KIAA1217: variants seen among roughly 807,000 people sequenced by gnomAD.
KIAA1217 encodes KIAA1217, also known as sickle tail protein homolog.
KIAA1217 carries 88 observed loss-of-function variants against 163.9 expected under a neutral mutation model. The ratio of observed to expected loss-of-function variants is 0.54; its 90% CI spans 0.45 to 0.64. The LOEUF (loss-of-function observed/expected upper bound fraction) is 0.64, where lower values mean the gene tolerates loss of function less well. Among genes scored for constraint, KIAA1217 ranks in the 30% least tolerant of loss-of-function variants. KIAA1217 has a pLI of 0.00. For missense variants in KIAA1217, 2,372 were observed against 2,475.0 expected (o/e 0.96, Z 0.88); for synonymous variants, 903 against 923.1 (o/e 0.98, Z 0.39).
At chr10:24,402,992 G>A (rs2056763921) in intron 3 of KIAA1217, among the ~76,000 whole-genome samples, 1 of 152,046 alleles carries the variant, frequency 6.6e-6, no homozygotes, top group Admixed American at 6.5e-5. Flanking sequence ...TTAGCATATG[G>A]TACTGAAGAA....
intron 1 of KIAA1217, among the ~76,000 whole-genome samples, chr10:23,790,491 A>G: frequency 9.1e-6 from 1 of 109,360 alleles, no homozygotes; most frequent in African/African-American, 4.5e-5. Flanking sequence ...ATATATACAT[A>G]TATACATGTG....
At chr10:24,315,613 G>A (rs2043247942) in intron 2 of KIAA1217, among the ~76,000 whole-genome samples, 3 of 152,076 alleles carry the variant, frequency 2.0e-5, no homozygotes, top group African/African-American at 4.8e-5. Context: ...AGGAGTGGTG[G>A]CCCACACCTG....
At chr10:24,376,306 T>C (rs2052480217) in intron 2 of KIAA1217, among the ~76,000 whole-genome samples, 3 of 152,212 alleles carry the variant, frequency 2.0e-5, no homozygotes, top group Non-Finnish European at 4.4e-5. Context: ...TTATATGATG[T>C]GTACTTAGAG....
chr10:24,147,854 A>AAAAG (rs2064402931), intron 2 of KIAA1217, among the ~76,000 whole-genome samples: 1 of 149,568 alleles, frequency 6.7e-6, no homozygotes, highest in Non-Finnish European at 1.5e-5. Context: ...AAAAAAAAAA[A>AAAAG]AAAAAAAAGA....
At chr10:24,080,820 GT>G (rs1482515722) in intron 2 of KIAA1217, among the ~76,000 whole-genome samples, 1 of 151,978 alleles carries the variant, frequency 6.6e-6, no homozygotes, top group Non-Finnish European at 1.5e-5. Context: ...TTTAGTAAGT[GT>G]TTTTTCAGAT....
intron 3 of KIAA1217, among the ~76,000 whole-genome samples, chr10:24,425,575 A>G (rs1156461366): frequency 6.6e-6 from 1 of 152,216 alleles, no homozygotes; most frequent in Non-Finnish European, 1.5e-5. Context: ...ATATTCTCTT[A>G]CAATTGCTTT....
chr10:24,071,637 G>T (rs975326803), intron 2 of KIAA1217, among the ~76,000 whole-genome samples: 12 of 152,164 alleles, frequency 7.9e-5, no homozygotes, highest in Non-Finnish European at 2.9e-5. Flanking sequence ...TGAGTGAACG[G>T]TTAAGTCCAG....
intron 2 of KIAA1217, among the ~76,000 whole-genome samples, chr10:24,365,003 C>T (rs1336022044): frequency 6.6e-6 from 1 of 151,986 alleles, no homozygotes; most frequent in Non-Finnish European, 1.5e-5. Flanking sequence ...GGGAGTCTCC[C>T]TATGTTGGCC....
rs576229036 is a variant in KIAA1217 at position 23,750,006 on chromosome 10, C to T, written c.-321+54772C>T. ...TCTTCTTCTCTTCTCCTTTCCATTCCTTTCTTTTCTTTTCTTTTTTTGACC... is the reference window on the plus strand; with the variant it reads ...TCTTCTTCTCTTCTCCTTTCCATTCTTTTCTTTTCTTTTCTTTTTTTGACC... On this transcript the variant is annotated intron_variant, in intron 1 of 18. Coordinates refer to the KIAA1217 transcript ENST00000376462. 2.0e-5 allele frequency among the ~76,000 whole-genome samples: 3 copies of T among 151,938 alleles called. No individual in the cohort carries two copies. The East Asian group carries it at 5.8e-4, about 30-fold the overall frequency.
chr10:24,266,300 A>G (rs1040039367), intron 2 of KIAA1217, among the ~76,000 whole-genome samples: 1 of 152,284 alleles, frequency 6.6e-6, no homozygotes, highest in South Asian at 2.1e-4. Flanking sequence ...GCTGGTCTCC[A>G]GCTCCTGACC....
chr10:23,978,622 G>A (rs1373789376), intron 1 of KIAA1217, among the ~76,000 whole-genome samples: 1 of 152,008 alleles, frequency 6.6e-6, no homozygotes, highest in Non-Finnish European at 1.5e-5. Flanking sequence ...AATAGACTCT[G>A]AATGTTGCCA....
intron 2 of KIAA1217, among the ~76,000 whole-genome samples, chr10:24,278,666 A>G (rs220341): frequency 0.86 from 131,219 of 152,152 alleles, 56,720 homozygotes; most frequent in Non-Finnish European, 0.88. Flanking sequence ...TGAGTAACCT[A>G]ATGTGTGCTG....
chr10:24,422,176 AC>A (rs2058785390), intron 3 of KIAA1217, among the ~76,000 whole-genome samples: 1 of 151,946 alleles, frequency 6.6e-6, no homozygotes, highest in Non-Finnish European at 1.5e-5. Flanking sequence ...GGAAAGACCC[AC>A]CCCCATGATT....
chr10:24,161,331 G>C (rs538135752), intron 2 of KIAA1217, among the ~76,000 whole-genome samples: 111 of 152,318 alleles, frequency 7.3e-4, no homozygotes, highest in African/African-American at 2.0e-3. Context: ...GTAATGGTGG[G>C]TTTCAGGCAT....
intron 3 of KIAA1217, among the ~76,000 whole-genome samples, chr10:24,409,627 C>A (rs1342899864): frequency 6.6e-6 from 1 of 152,136 alleles, no homozygotes; most frequent in Admixed American, 6.5e-5. Flanking sequence ...TTCTGGGGAA[C>A]AGGTAGTATT....
At chr10:24,049,730 C>G (rs1034597404) in intron 2 of KIAA1217, among the ~76,000 whole-genome samples, 12 of 152,118 alleles carry the variant, frequency 7.9e-5, no homozygotes, top group African/African-American at 2.2e-4. Flanking sequence ...GGGTTGGTTC[C>G]AAGTCTTTGC....
chr10:23,720,731 C>T (rs898818207), intron 1 of KIAA1217, among the ~76,000 whole-genome samples: 1 of 152,108 alleles, frequency 6.6e-6, no homozygotes, highest in Non-Finnish European at 1.5e-5. Flanking sequence ...ATATTGGAAT[C>T]CCCATATCAT....
At chr10:23,977,594 G>A (rs886951873) in intron 1 of KIAA1217, among the ~76,000 whole-genome samples, 15 of 152,120 alleles carry the variant, frequency 9.9e-5, no homozygotes, top group African/African-American at 3.6e-4. Flanking sequence ...TTTCCAAAAA[G>A]TAAAACAGTT....
intron 5 of KIAA1217, among the ~76,000 whole-genome samples, chr10:24,443,834 A>G (rs2132106517): frequency 6.6e-6 from 1 of 152,308 alleles, no homozygotes; most frequent in Admixed American, 6.5e-5. Flanking sequence ...GACATGAAAA[A>G]TGGGACTTGC....
Sources: gnomAD v4.1 joint callset for allele counts (sites outside exome capture counted in the v4.1 genomes callset) on GRCh38, gnomAD v4.1.1 for gene constraint, MANE v1.5 for transcripts, NCBI Gene and HGNC (gene_info 2026-07-23, HGNC 2026-07-21) for gene names.